PEX6: variants seen among roughly 807,000 people sequenced by gnomAD.
PEX6 encodes peroxisome biogenesis factor 6.
In PEX6, 55 loss-of-function variants were observed where a neutral mutation model predicts 85.6. The ratio of observed to expected loss-of-function variants is 0.64; its 90% CI spans 0.52 to 0.80. The LOEUF (loss-of-function observed/expected upper bound fraction) is 0.80, where lower values mean the gene tolerates loss of function less well. PEX6 is among the 30% of genes least tolerant of loss of function. The pLI, the probability that PEX6 is intolerant of heterozygous loss-of-function variation, is 0.00. For synonymous variants in PEX6, 519 were observed against 549.1 expected (o/e 0.95, Z 0.77); for missense variants, 1,099 against 1,260.3 (o/e 0.87, Z 1.94).
Position 42,978,299 on chromosome 6 carries a change from G to A in PEX6, c.852C>T (p.Asp284=), listed in dbSNP as rs1770391143. 1 of 1,614,076 alleles carries A rather than the reference G, an allele frequency of 6.2e-7. No individual in the cohort carries two copies. The highest frequency in any genetic ancestry group is 1.3e-5 in the African/African-American group (1 of 74,914). The change falls in exon 1 of 17, where the codon GAC becomes GAT. Residue 284 remains aspartate (D), a synonymous_variant. Transcript: ENST00000304611. ...PATLAFNLGC[D]PLEMGELRIQ... ...TTCTGAGCTCTCCCATTTCCAGGGG[G>A]TCACAGCCAAGATTAAAAGCCAAAG... is the stretch of plus-strand genomic sequence containing the variant.
chr6:42,977,608 G>A (rs1443506959), intron 1 of PEX6, among the ~76,000 whole-genome samples: 5 of 151,506 alleles, frequency 3.3e-5, no homozygotes, highest in East Asian at 4.0e-4. Context: ...GTGAAACCCC[G>A]TCTCTACTAA....
chr6:42,964,699 C>A lies in PEX6; in HGVS notation c.2806+91G>T, dbSNP rs1769669408. 2.6e-6 allele frequency: 4 copies of A among 1,539,400 alleles called. No individual in the cohort carries two copies. The highest frequency in any genetic ancestry group is 3.6e-6 in the Non-Finnish European group (4 of 1,114,154). Reference sequence around the variant, plus strand: ...CAAACTCCTGGGCTCAAGCGATCCTCCCACCTCAGCCTCTCAAGTAGCTGG... The same window carrying A: ...CAAACTCCTGGGCTCAAGCGATCCTACCACCTCAGCCTCTCAAGTAGCTGG... On this transcript the variant is annotated intron_variant, in intron 16 of 16. Coordinates refer to ENST00000304611, the MANE Select transcript of PEX6 (RefSeq NM_000287.4). The surrounding 1 kb of genome is among the most constrained non-coding windows in gnomAD (Gnocchi z 4.6).
rs781431407 is a variant in PEX6 at position 42,968,406 on chromosome 6, TGCAGGCCGGCAACGGC to T, written c.1556_1571del (p.Arg519GlnfsTer24). 6.2e-7 allele frequency: 1 copy of T among 1,614,030 alleles called. No homozygotes were observed. The highest frequency in any genetic ancestry group is 1.7e-5 in the Admixed American group (1 of 60,026). On this transcript the variant is annotated frameshift_variant, in exon 7 of 17. Coordinates refer to ENST00000304611, the MANE Select transcript of PEX6 (RefSeq NM_000287.4). LOFTEE classifies it high-confidence loss of function. ...GGTCCACAGCTGTGAGCAACAGGAC[TGCAGGCCGGCAACGGC>T]GGGCCCGGGAGAAGATGGCCTGCAG...
intron 3 of PEX6, among the ~76,000 whole-genome samples, chr6:42,970,899 G>A (rs1445167441): frequency 6.6e-6 from 1 of 152,192 alleles, no homozygotes; most frequent in African/African-American, 2.4e-5. Flanking sequence ...GTTGGCGAGT[G>A]TCATAGTGAG....
rs1389504631 is a variant in PEX6, at chr6:42,978,840, C to T, written c.311G>A (p.Gly104Asp). ...ARAVRRPPALGWALLGTSLGP... is the reference protein window; with the variant it reads ...ARAVRRPPALDWALLGTSLGP... ...CAGCGAGGTGCCAAGCAGTGCCCAA[C>T]CTAGCGCCGGGGGCCGCCGCACCGC... The change falls in exon 1 of 17, where the codon GGT (glycine) becomes GAT (aspartate). Residue 104 changes from glycine to aspartate, a missense_variant. Physicochemically the swap from Gly to Asp is moderately conservative, Grantham distance 94. Transcript: ENST00000304611. 6.6e-7 allele frequency: 1 copy of T among 1,516,984 alleles called. No homozygotes were observed. Among genetic ancestry groups the T allele is most frequent in the South Asian group, 1.2e-5 (1 of 82,352 alleles). 94.0% of individuals were successfully genotyped at this position (1,516,984 alleles called of 1,614,324 possible). A position where few individuals can be genotyped will look rare whatever the true frequency, so the allele number is the denominator to read the frequency against.
chr6:42,967,796 A>C (rs890448017), intron 7 of PEX6, among the ~76,000 whole-genome samples: 2 of 150,978 alleles, frequency 1.3e-5, no homozygotes, highest in African/African-American at 4.9e-5. Flanking sequence ...TAGACCACAG[A>C]CTCCTCCCTC....
At chr6:42,974,606 C>T (rs539139536) in intron 2 of PEX6, among the ~76,000 whole-genome samples, 13 of 151,718 alleles carry the variant, frequency 8.6e-5, no homozygotes, top group African/African-American at 3.1e-4. Context: ...TACAGGCGCC[C>T]ACCACCACAC....
Position 42,967,410 on chromosome 6 carries a change from C to T in PEX6, c.1842G>A (p.Leu614=), listed in dbSNP as rs1561821610. 1 of 1,613,414 alleles carries T rather than the reference C, an allele frequency of 6.2e-7. No homozygotes were observed. Among genetic ancestry groups the T allele is most frequent in the Non-Finnish European group, 8.5e-7 (1 of 1,179,928 alleles). Reference sequence around the variant, plus strand: ...GCTGTGCCAAGTTCACCTCCTGGCCCAGGGGAAGGTGGGCAGTGAGGGCCC... The same window carrying T: ...GCTGTGCCAAGTTCACCTCCTGGCCTAGGGGAAGGTGGGCAGTGAGGGCCC... The part of the protein sequence containing the change: ...ILRALTAHLP[L]GQEVNLAQLA... Residue 614 remains leucine, a synonymous_variant, in exon 8 of 17, where the codon CTG becomes CTA. Transcript: ENST00000304611.
chr6:42,974,801 G>C (rs533167980), intron 2 of PEX6, 74 bp downstream of exon 2: 8 of 1,390,592 alleles, frequency 5.8e-6, no homozygotes, highest in Non-Finnish European at 8.2e-6. Context: ...TGGGGTACTT[G>C]GTTCTAAGGC....
At position 42,966,438 on chromosome 6, in the gene PEX6, C is replaced by T. The variant is rs377421228; in HGVS notation, c.2104G>A (p.Val702Met). The T allele has an allele frequency of 1.1e-5, 17 of 1,614,036 alleles. No homozygotes were observed. In the African/African-American group the frequency reaches 2.1e-4, roughly 20 times the overall value. ...AGCCCACCCACATCATGCCAGGACA[C>T]TGAGGGGATCTAGGAGATGGAAAGT... ...QAVGAPKIPS[V>M]SWHDVGGLQE... The change falls in exon 11 of 17, where the codon GTG (valine) becomes ATG (methionine). Residue 702 changes from valine to methionine, a missense_variant. Val to Met is a conservative substitution (Grantham distance 21). Around this residue, in one of 3 missense-constraint regions of PEX6, gnomAD observed 514 missense variants for 627.0 expected, o/e 0.82. Coordinates refer to ENST00000304611, the MANE Select transcript of PEX6 (RefSeq NM_000287.4).
At chr6:42,966,958 A>C (rs1319502442) in intron 8 of PEX6, 100 bp from the exon 9 acceptor site, 10 of 699,166 alleles carry the variant, frequency 1.4e-5, no homozygotes, top group Non-Finnish European at 2.4e-5. Context: ...TTGATGCCTT[A>C]GGTTTGTTGT....
At chr6:42,977,768 C>CAAAAAA (rs200706906) in intron 1 of PEX6, among the ~76,000 whole-genome samples, 24 of 51,702 alleles carry the variant, frequency 4.6e-4, no homozygotes, top group Admixed American at 7.8e-4. Flanking sequence ...GACCCCATCT[C>CAAAAAA]AAAAAAAAAA....
chr6:42,979,056 G>A lies in PEX6; in HGVS notation c.95C>T (p.Ala32Val). 1 of 1,535,834 alleles carries A rather than the reference G, an allele frequency of 6.5e-7. No homozygotes were observed. The highest frequency in any genetic ancestry group is 1.2e-5 in the South Asian group (1 of 84,186). ...CAGGGCCAGCACCAGGCCCAGCTCC[G>A]CCGCCGGCCACGGGCCCCCGGGTGG... is the stretch of plus-strand genomic sequence containing the variant. ...LLPPGGPWPA[A>V]ELGLVLALRP... The change falls in exon 1 of 17, where the codon GCG becomes GTG. Residue 32 changes from alanine (A) to valine (V), a missense_variant. Coordinates refer to ENST00000304611, the MANE Select transcript of PEX6 (RefSeq NM_000287.4).
intron 8 of PEX6, among the ~76,000 whole-genome samples, 184 bp from the exon 9 acceptor site, chr6:42,967,042 G>A (rs1006314274): frequency 2.1e-5 from 3 of 143,490 alleles, no homozygotes; most frequent in Non-Finnish European, 4.5e-5. Flanking sequence ...GCGCGATCTC[G>A]GCTCACCGCA....
rs1216849219 is a variant in PEX6, at chr6:42,978,913, G to A, written c.238C>T (p.Leu80=). 1.3e-6 allele frequency: 2 copies of A among 1,488,428 alleles called. No individual in the cohort carries two copies. The highest frequency in any genetic ancestry group is 1.8e-6 in the Non-Finnish European group (2 of 1,127,798). 92.2% of individuals were successfully genotyped at this position (1,488,428 alleles called of 1,614,324 possible). ...GAGCCCAGTGCCAGGAGCCGCAGCA[G>A]CGCGCGGCTAACCAGTAGCTGCGGC... The part of the protein sequence containing the change: ...GPPQLLVSRA[L]LRLLALGSGA... The change falls in exon 1 of 17, where the codon CTG becomes TTG. Residue 80 remains leucine, a synonymous_variant. Coordinates refer to ENST00000304611, the MANE Select transcript of PEX6 (RefSeq NM_000287.4).
At chr6:42,967,759 T>A (rs930473440) in intron 7 of PEX6, among the ~76,000 whole-genome samples, 196 bp from the exon 8 acceptor site, 2 of 152,046 alleles carry the variant, frequency 1.3e-5, no homozygotes, top group Non-Finnish European at 2.9e-5. Context: ...AGGCTTTTTC[T>A]TTAACCGAGT....
chr6:42,975,770 GCA>G (rs1042172951), intron 1 of PEX6, among the ~76,000 whole-genome samples: 4 of 151,668 alleles, frequency 2.6e-5, no homozygotes, highest in East Asian at 1.9e-4. Flanking sequence ...AAGTGCAGTG[GCA>G]CAGTCTCGGC....
At chr6:42,977,643 C>T (rs1208075827) in intron 1 of PEX6, among the ~76,000 whole-genome samples, 1 of 150,516 alleles carries the variant, frequency 6.6e-6, no homozygotes, top group Non-Finnish European at 1.5e-5. Flanking sequence ...AGCCGGGCGT[C>T]GTGGCGCGAG....
chr6:42,974,800 T>C, intron 2 of PEX6, 75 bp downstream of exon 2: 1 of 1,394,014 alleles, frequency 7.2e-7, no homozygotes, highest in Non-Finnish European at 1.0e-6. Flanking sequence ...CTGGGGTACT[T>C]GGTTCTAAGG....
Sources: gnomAD v4.1 joint callset for allele counts (sites outside exome capture counted in the v4.1 genomes callset) on GRCh38, gnomAD v4.1.1 for gene constraint, gnomAD v4.1.1 regional missense constraint, Gnocchi (gnomAD v3.1) non-coding constraint, MANE v1.5 for transcripts, NCBI Gene and HGNC (gene_info 2026-07-23, HGNC 2026-07-21) for gene names.